KAZN: variants seen among roughly 807,000 people sequenced by gnomAD.
KAZN encodes kazrin, periplakin interacting protein.
KAZN carries 40 observed loss-of-function variants against 87.4 expected under a neutral mutation model. The observed-to-expected ratio is 0.46, with a 90% CI of 0.36 to 0.60. The LOEUF (loss-of-function observed/expected upper bound fraction) is 0.60, where lower values mean the gene tolerates loss of function less well. Among genes scored for constraint, KAZN ranks in the 20% least tolerant of loss-of-function variants. The pLI is 0.00. For missense variants in KAZN, 898 were observed against 1,073.9 expected (o/e 0.84, Z 2.29); for synonymous variants, 466 against 458.3 (o/e 1.02, Z -0.22).
At chr1:13,893,521 A>T in exon 1 of KAZN, 3 of 1,355,750 alleles carry the variant, frequency 2.2e-6, no homozygotes, top group Non-Finnish European at 3.0e-6. Context: ...GAAACACTAT[A>T]AACTTTGGGG....
At chr1:14,358,873 T>C (rs553163051) in intron 2 of KAZN, among the ~76,000 whole-genome samples, 3 of 152,316 alleles carry the variant, frequency 2.0e-5, no homozygotes, top group African/African-American at 7.2e-5. Context: ...ATAAGTGCTA[T>C]GTGGTGCTGA....
At chr1:14,151,170 G>A (rs1322622231) in intron 1 of KAZN, among the ~76,000 whole-genome samples, 1 of 150,558 alleles carries the variant, frequency 6.6e-6, no homozygotes, top group Non-Finnish European at 1.5e-5. Context: ...GTTTCATAGG[G>A]TGTTTACTAA....
At chr1:14,234,900 G>A (rs1395271096) in intron 2 of KAZN, among the ~76,000 whole-genome samples, 1 of 152,226 alleles carries the variant, frequency 6.6e-6, no homozygotes, top group African/African-American at 2.4e-5. Flanking sequence ...TCTGGTTGAA[G>A]GAATCTTCAA....
At chr1:14,299,177 T>G (rs1654347593) in intron 2 of KAZN, among the ~76,000 whole-genome samples, 1 of 151,976 alleles carries the variant, frequency 6.6e-6, no homozygotes, top group Admixed American at 6.6e-5. Context: ...TACAACCTGG[T>G]GGGGGAAACA....
intron 1 of KAZN, among the ~76,000 whole-genome samples, chr1:14,944,866 A>G (rs1018739516): frequency 6.6e-6 from 1 of 152,232 alleles, no homozygotes; most frequent in African/African-American, 2.4e-5. Flanking sequence ...TGGCGGCACC[A>G]TCCTGTTCTG....
intron 2 of KAZN, among the ~76,000 whole-genome samples, chr1:14,984,230 A>T (rs1465393656): frequency 6.6e-6 from 1 of 151,918 alleles, no homozygotes; most frequent in East Asian, 2.0e-4. Flanking sequence ...GGTGGTGTGC[A>T]CCTGTAGTCC....
chr1:15,095,248 A>G, intron 10 of KAZN, among the ~76,000 whole-genome samples: 1 of 152,174 alleles, frequency 6.6e-6, no homozygotes. Context: ...GACCAGCCCA[A>G]GCAGCTCTGC....
At chr1:14,713,635 C>T (rs1414324668) in intron 1 of KAZN, among the ~76,000 whole-genome samples, 1 of 151,864 alleles carries the variant, frequency 6.6e-6, no homozygotes, top group Admixed American at 6.5e-5. Context: ...TACCTGGCCC[C>T]AAGTGTCAGT....
intron 2 of KAZN, among the ~76,000 whole-genome samples, chr1:14,233,759 G>A (rs1466491503): frequency 1.3e-5 from 2 of 152,154 alleles, no homozygotes; most frequent in African/African-American, 4.8e-5. Flanking sequence ...TGTATGCAGA[G>A]CCCTTCCCTA....
At chr1:14,236,358 C>T (rs988682108) in intron 2 of KAZN, among the ~76,000 whole-genome samples, 2 of 152,152 alleles carry the variant, frequency 1.3e-5, no homozygotes, top group African/African-American at 4.8e-5. Context: ...CTTCCTAGTC[C>T]AACATCTGCT....
intron 1 of KAZN, among the ~76,000 whole-genome samples, chr1:14,730,170 G>C (rs1022953026): frequency 1.3e-5 from 2 of 152,024 alleles, no homozygotes; most frequent in African/African-American, 4.8e-5. Context: ...TGAAACCTCT[G>C]CCTCCCGGGT....
intron 2 of KAZN, among the ~76,000 whole-genome samples, chr1:14,372,600 C>A (rs1325511962): frequency 6.6e-6 from 1 of 152,168 alleles, no homozygotes; most frequent in Non-Finnish European, 1.5e-5. Context: ...GCAAAATGGC[C>A]TCATCAAAGA....
intron 1 of KAZN, among the ~76,000 whole-genome samples, chr1:14,799,871 T>A (rs1310203842): frequency 6.6e-6 from 1 of 152,202 alleles, no homozygotes; most frequent in Non-Finnish European, 1.5e-5. Context: ...TCAGAATTCC[T>A]CTCCTTGAGT....
In KAZN at chr1:15,086,845, G is replaced by A. The variant is rs554031059; in HGVS notation, c.1223-7335G>A. ...GTAAATAGGTATAGTGACTTTTCAA[G>A]GGTAATCATTAAGGCCGTGGTTCTA... is the stretch of plus-strand genomic sequence containing the variant. On this transcript the variant is annotated intron_variant, in intron 8 of 14. Transcript: ENST00000376030. 3.1e-4 allele frequency among the ~76,000 whole-genome samples: 47 copies of A among 152,340 alleles called. No individual in the cohort carries two copies. In the Middle Eastern group the frequency reaches 0.01, roughly 33 times the overall value.
intron 2 of KAZN, among the ~76,000 whole-genome samples, chr1:14,377,944 C>T (rs1033384032): frequency 6.6e-6 from 1 of 152,202 alleles, no homozygotes; most frequent in East Asian, 1.9e-4. Context: ...TCAAATGTCC[C>T]CTGGAGTACA....
intron 2 of KAZN, among the ~76,000 whole-genome samples, chr1:14,988,167 C>T (rs1454767438): frequency 6.6e-6 from 1 of 152,228 alleles, no homozygotes; most frequent in Non-Finnish European, 1.5e-5. Context: ...AGGAGTGAGG[C>T]TCTCCCTTGA....
chr1:14,706,112 G>A (rs939788864), intron 1 of KAZN, among the ~76,000 whole-genome samples: 4 of 152,128 alleles, frequency 2.6e-5, no homozygotes, highest in African/African-American at 9.7e-5. Flanking sequence ...TCTAGGTTGT[G>A]AGCTCCTTAG....
chr1:13,944,330 T>C (rs1232515180), intron 1 of KAZN, among the ~76,000 whole-genome samples: 1 of 152,186 alleles, frequency 6.6e-6, no homozygotes, highest in Non-Finnish European at 1.5e-5. Context: ...GGCAAATTTA[T>C]AGAAACAGAA....
intron 2 of KAZN, among the ~76,000 whole-genome samples, chr1:14,483,266 G>C (rs568946635): frequency 2.6e-5 from 4 of 152,256 alleles, no homozygotes; most frequent in South Asian, 2.1e-4. Context: ...ATATTCAAAT[G>C]AAGATAGAGA....
Sources: gnomAD v4.1 joint callset for allele counts (sites outside exome capture counted in the v4.1 genomes callset) on GRCh38, gnomAD v4.1.1 for gene constraint, MANE v1.5 for transcripts, NCBI Gene and HGNC (gene_info 2026-07-23, HGNC 2026-07-21) for gene names.